ZNF362: variants seen among roughly 807,000 people sequenced by gnomAD.
ZNF362 encodes the protein rotund homolog.
Under a neutral mutation model 42.9 loss-of-function variants are expected in ZNF362, and 11 were observed. That is an observed-to-expected ratio of 0.26 (90% CI 0.16 to 0.42). The LOEUF (loss-of-function observed/expected upper bound fraction) is 0.42. Among genes scored for constraint, ZNF362 ranks in the 20% least tolerant of loss-of-function variants. ZNF362 has a pLI of 1.00. For synonymous variants in ZNF362, 255 were observed against 257.3 expected (o/e 0.99, Z 0.09); for missense variants, 362 against 576.2 (o/e 0.63, Z 3.81).
the ZNF362 span, among the ~76,000 whole-genome samples, chr1:33,152,524 GC>G: frequency 1.3e-5 from 2 of 148,860 alleles, no homozygotes; most frequent in Non-Finnish European, 3.0e-5. Flanking sequence ...CCAAGATTGT[GC>G]CATTGCACTC....
chr1:33,210,131 T>A, the ZNF362 span, among the ~76,000 whole-genome samples: 1 of 152,232 alleles, frequency 6.6e-6, no homozygotes. Flanking sequence ...GTTGTGTCTT[T>A]GTTCTTATTG....
chr1:33,270,677 C>T, intron 2 of ZNF362, 65 bp downstream of exon 2: 1 of 1,589,568 alleles, frequency 6.3e-7, no homozygotes, highest in Non-Finnish European at 8.6e-7. Flanking sequence ...GGGATTAAAG[C>T]ATTGTGTTCG....
the ZNF362 span, chr1:33,147,521 G>C: frequency 6.2e-7 from 1 of 1,613,788 alleles, no homozygotes; most frequent in Non-Finnish European, 8.5e-7. This position sits in a 1 kb window ranked among gnomAD's most constrained non-coding sequence, Gnocchi z 8.1. Flanking sequence ...ATCACCCACT[G>C]GGTCTTCTCC....
the ZNF362 span, among the ~76,000 whole-genome samples, chr1:33,190,420 A>T: frequency 6.6e-6 from 1 of 152,302 alleles, no homozygotes; most frequent in South Asian, 2.1e-4. Context: ...ATTAAGAAAC[A>T]GTAGGAACTC....
Position 33,281,846 on chromosome 1 carries a change from ACTCAG to A in ZNF362, c.908+42_908+46del, listed in dbSNP as rs764062528. 1.2e-6 allele frequency: 2 copies of A among 1,605,768 alleles called. No homozygotes were observed. The highest frequency in any genetic ancestry group is 1.7e-5 in the Admixed American group (1 of 59,958). ...CTGCCTGCTGCCCTGCTGCAGCCCGACTCAGCTCAGCACCCGTGGCCTGGCACATG... is the reference window on the plus strand; with the variant it reads ...CTGCCTGCTGCCCTGCTGCAGCCCGACTCAGCACCCGTGGCCTGGCACATG... On this transcript the variant is annotated intron_variant, in intron 6 of 8. Coordinates refer to ENST00000539719, the MANE Select transcript of ZNF362 (RefSeq NM_152493.3). This position sits in a 1 kb window ranked among gnomAD's most constrained non-coding sequence, Gnocchi z 4.8.
At chr1:33,191,486 C>G in the ZNF362 span, among the ~76,000 whole-genome samples, 1 of 117,494 alleles carries the variant, frequency 8.5e-6, no homozygotes. Context: ...TAGTAAACAT[C>G]CTTTTTTTTG....
intron 1 of ZNF362, among the ~76,000 whole-genome samples, chr1:33,267,774 G>T (rs960430382): frequency 6.6e-6 from 1 of 152,142 alleles, no homozygotes; most frequent in African/African-American, 2.4e-5. Context: ...TAAAATTTCG[G>T]CTGTTCCAGG....
chr1:33,160,475 G>C, the ZNF362 span, among the ~76,000 whole-genome samples: 1 of 152,072 alleles, frequency 6.6e-6, no homozygotes, highest in African/African-American at 2.4e-5. Context: ...CACGATCTCG[G>C]ATCATTGCAA....
At chr1:33,213,072 A>C in the ZNF362 span, among the ~76,000 whole-genome samples, 1 of 152,238 alleles carries the variant, frequency 6.6e-6, no homozygotes, top group African/African-American at 2.4e-5. Flanking sequence ...GAATCTCAAA[A>C]TAATTGTGCT....
chr1:33,267,469 CT>C (rs950323670), intron 1 of ZNF362, among the ~76,000 whole-genome samples: 1 of 152,198 alleles, frequency 6.6e-6, no homozygotes, highest in African/African-American at 2.4e-5. Flanking sequence ...CATTTCCCCC[CT>C]GACTATTGTT....
the ZNF362 span, among the ~76,000 whole-genome samples, chr1:33,129,299 T>G: frequency 6.6e-6 from 1 of 152,168 alleles, no homozygotes; most frequent in Non-Finnish European, 1.5e-5. This position sits in a 1 kb window ranked among gnomAD's most constrained non-coding sequence, Gnocchi z 4.1. Context: ...TAACTCTGAT[T>G]TACAACCCAA....
chr1:33,279,991 T>C, intron 4 of ZNF362, 133 bp from the exon 5 acceptor site: 1 of 1,071,326 alleles, frequency 9.3e-7, no homozygotes, highest in Non-Finnish European at 1.3e-6. Flanking sequence ...CAAGGTCTCA[T>C]TTAGTTACCC....
At chr1:33,147,802 G>A in the ZNF362 span, 9 of 1,525,924 alleles carry the variant, frequency 5.9e-6, no homozygotes, top group Non-Finnish European at 7.1e-6. This position sits in a 1 kb window ranked among gnomAD's most constrained non-coding sequence, Gnocchi z 8.1. Flanking sequence ...CCTTCCTGAG[G>A]GCAGAGTTCT....
intron 2 of ZNF362, among the ~76,000 whole-genome samples, chr1:33,275,662 G>A (rs1645938793): frequency 6.6e-6 from 1 of 152,218 alleles, no homozygotes; most frequent in Non-Finnish European, 1.5e-5. Flanking sequence ...GGGGGCAGAA[G>A]AGCAGGGATC....
chr1:33,236,550 A>AAAAAAAATATATATATATATATAT, the ZNF362 span, among the ~76,000 whole-genome samples: 7 of 5,970 alleles, frequency 1.2e-3, no homozygotes, highest in Admixed American at 4.2e-3. Flanking sequence ...AAAAAAAAAA[A>AAAAAAAATATATATATATATATAT]ATATATATAT....
intron 6 of ZNF362, among the ~76,000 whole-genome samples, chr1:33,289,190 T>C (rs540805288): frequency 6.6e-6 from 1 of 152,248 alleles, no homozygotes; most frequent in South Asian, 2.1e-4. Flanking sequence ...AAGAACGACA[T>C]GAGCAAAGGC....
At chr1:33,210,091 G>A in the ZNF362 span, among the ~76,000 whole-genome samples, 16 of 152,290 alleles carry the variant, frequency 1.1e-4, no homozygotes, top group African/African-American at 3.9e-4. Flanking sequence ...TCTACACACT[G>A]CTTTAAATGT....
At chr1:33,277,320 C>T (rs540271614) in intron 4 of ZNF362, among the ~76,000 whole-genome samples, 2 of 152,330 alleles carry the variant, frequency 1.3e-5, no homozygotes, top group South Asian at 4.1e-4. Context: ...CGGTTTACAG[C>T]TAGTAAGAGG....
intron 1 of ZNF362, among the ~76,000 whole-genome samples, chr1:33,260,222 G>A (rs1021910433): frequency 6.6e-6 from 1 of 152,170 alleles, no homozygotes; most frequent in African/African-American, 2.4e-5. Context: ...TGTTTCCTAG[G>A]CATTTATAAG....
Sources: allele counts gnomAD v4.1 joint callset (sites outside exome capture counted in the v4.1 genomes callset), GRCh38; gene constraint gnomAD v4.1.1; non-coding constraint Gnocchi (gnomAD v3.1); transcripts MANE v1.5; gene names NCBI Gene and HGNC (gene_info 2026-07-23, HGNC 2026-07-21).